VWC2: variants seen among roughly 807,000 people sequenced by gnomAD.
The protein encoded by VWC2 is von Willebrand factor C domain containing 2, also known as brorin.
A neutral mutation model predicts 29.8 loss-of-function variants in VWC2; 14 were observed. That is an observed-to-expected ratio of 0.47 (90% confidence interval 0.31 to 0.74). The LOEUF (loss-of-function observed/expected upper bound fraction) is 0.74, where lower values mean the gene tolerates loss of function less well. VWC2 is among the 30% of genes least tolerant of loss of function. VWC2 has a pLI of 0.05. For synonymous variants in VWC2, 213 were observed against 199.0 expected (o/e 1.07, Z -0.59); for missense variants, 457 against 459.8 (o/e 0.99, Z 0.05).
chr7:49,783,736 A>G (rs1788229825), intron 2 of VWC2, among the ~76,000 whole-genome samples: 1 of 152,212 alleles, frequency 6.6e-6, no homozygotes, highest in Non-Finnish European at 1.5e-5. Context: ...AGGCCTGTGG[A>G]AAAGCATAGA....
intron 3 of VWC2, among the ~76,000 whole-genome samples, chr7:49,810,130 C>T (rs1437973046): frequency 1.3e-5 from 2 of 151,758 alleles, no homozygotes; most frequent in African/African-American, 2.4e-5. Context: ...TACACATACA[C>T]GTGCATACAC....
intron 3 of VWC2, among the ~76,000 whole-genome samples, chr7:49,829,048 C>T (rs140639128): frequency 1.6e-3 from 241 of 152,318 alleles, no homozygotes; most frequent in South Asian, 4.0e-3. Flanking sequence ...CTAACCCTGC[C>T]GCTTCCCAGT....
chr7:49,851,257 T>A (rs531651056), intron 3 of VWC2, among the ~76,000 whole-genome samples: 9 of 152,218 alleles, frequency 5.9e-5, no homozygotes, highest in Non-Finnish European at 1.2e-4. Flanking sequence ...TAGGGCCACT[T>A]GGGTAATCCA....
At chr7:49,805,181 C>T (rs923381950) in intron 3 of VWC2, among the ~76,000 whole-genome samples, 2 of 152,004 alleles carry the variant, frequency 1.3e-5, no homozygotes, top group Admixed American at 6.6e-5. Flanking sequence ...TTTAATATTG[C>T]ATTGATGGTT....
At chr7:49,852,199 C>CA (rs1790207649) in intron 3 of VWC2, among the ~76,000 whole-genome samples, 1 of 152,234 alleles carries the variant, frequency 6.6e-6, no homozygotes, top group Non-Finnish European at 1.5e-5. Flanking sequence ...CCCTTACTAA[C>CA]ATGGCCTGCA....
intron 3 of VWC2, among the ~76,000 whole-genome samples, chr7:49,896,529 T>C (rs1227148392): frequency 2.0e-5 from 3 of 150,676 alleles, no homozygotes; most frequent in Non-Finnish European, 4.4e-5. Context: ...AAAGAAAAAA[T>C]AGTAAAGATG....
At chr7:49,833,688 T>G (rs1789588976) in intron 3 of VWC2, among the ~76,000 whole-genome samples, 1 of 152,158 alleles carries the variant, frequency 6.6e-6, no homozygotes, top group Admixed American at 6.5e-5. Context: ...GATATTTTTG[T>G]CCCTCTAATG....
Position 49,797,206 on chromosome 7 carries a change from T to C in VWC2, c.697-5505T>C, listed in dbSNP as rs1235636143. Among the ~76,000 whole-genome samples the C allele has an allele frequency of 8.5e-5, 13 of 152,138 alleles. No individual in the cohort carries two copies. In the South Asian group the frequency reaches 2.7e-3, roughly 32 times the overall value. ...AGCCTCTGCTAGTCATAACTCTGAG[T>C]AGTTGTAGTTGAGAAAGTTCTATGC... On this transcript the variant is annotated intron_variant, in intron 2 of 3. Transcript: ENST00000340652.
chr7:49,824,532 C>T (rs1478547628), intron 3 of VWC2, among the ~76,000 whole-genome samples: 1 of 152,056 alleles, frequency 6.6e-6, no homozygotes, highest in Non-Finnish European at 1.5e-5. Flanking sequence ...TTTTAAAATT[C>T]CCTTAACCTT....
chr7:49,844,265 G>A (rs948474335), intron 3 of VWC2, among the ~76,000 whole-genome samples: 3 of 152,316 alleles, frequency 2.0e-5, no homozygotes, highest in South Asian at 2.1e-4. Flanking sequence ...CCTGAAGGGC[G>A]TCGATTCTAT....
intron 3 of VWC2, among the ~76,000 whole-genome samples, chr7:49,910,278 AT>A (rs1248786750): frequency 6.6e-6 from 1 of 152,220 alleles, no homozygotes; most frequent in Non-Finnish European, 1.5e-5. Context: ...ACTTAGAATT[AT>A]TCAAAGGCCA....
At chr7:49,921,984 T>C (rs1034818706), downstream of VWC2, 26 of 152,336 alleles carry the variant, frequency 1.7e-4, no homozygotes, top group South Asian at 4.8e-3. Context: ...ACATTTAAGA[T>C]AATCCTTTGA....
At chr7:49,907,817 A>G (rs941162683) in intron 3 of VWC2, among the ~76,000 whole-genome samples, 4 of 152,204 alleles carry the variant, frequency 2.6e-5, no homozygotes, top group Non-Finnish European at 5.9e-5. Flanking sequence ...TCATATAAAG[A>G]CCTGGAATCA....
chr7:49,910,776 A>G (rs531932675), intron 3 of VWC2, among the ~76,000 whole-genome samples: 1 of 152,312 alleles, frequency 6.6e-6, no homozygotes, highest in East Asian at 1.9e-4. Flanking sequence ...GAAAACTGTG[A>G]AAGATAGACT....
At chr7:49,862,871 T>C (rs969295641) in intron 3 of VWC2, among the ~76,000 whole-genome samples, 1 of 152,218 alleles carries the variant, frequency 6.6e-6, no homozygotes, top group Non-Finnish European at 1.5e-5. Flanking sequence ...TTCACTTTGC[T>C]ACTGTTTCAC....
chr7:49,780,766 C>T (rs1226221012), intron 2 of VWC2, among the ~76,000 whole-genome samples: 1 of 152,162 alleles, frequency 6.6e-6, no homozygotes. Context: ...AGCATAAGAA[C>T]TGTTGAGAGA....
intron 3 of VWC2, among the ~76,000 whole-genome samples, chr7:49,894,526 A>G (rs1200223924): frequency 2.6e-5 from 4 of 152,250 alleles, no homozygotes; most frequent in Admixed American, 2.6e-4. Context: ...CAGCTGTGAT[A>G]CTTTTATTTC....
At position 49,867,840 on chromosome 7, in the gene VWC2, A is replaced by T. The variant is rs1031548855; in HGVS notation, c.827-44194A>T. On this transcript the variant is annotated intron_variant, in intron 3 of 3. Transcript: ENST00000340652. ...TTTCTATTTTTTATTTTATTATTTTATTTTATTTTTTGAGGTGGAGTCTTG... is the reference window on the plus strand; with the variant it reads ...TTTCTATTTTTTATTTTATTATTTTTTTTTATTTTTTGAGGTGGAGTCTTG... Among the ~76,000 whole-genome samples the T allele has an allele frequency of 7.5e-3, 1,057 of 141,164 alleles. 3 individuals carry two copies. The highest frequency in any genetic ancestry group is 0.011 in the Non-Finnish European group (710 of 63,788). The allele number at this position is 141,164 out of a possible 152,430, so 92.6% of individuals were successfully genotyped here.
chr7:49,777,735 G>A (rs771846547), intron 2 of VWC2, among the ~76,000 whole-genome samples: 47 of 152,142 alleles, frequency 3.1e-4, no homozygotes, highest in Non-Finnish European at 5.9e-4. Context: ...GGAGGGTCTG[G>A]TAGATATCTC....
Sources: allele counts gnomAD v4.1 joint callset (sites outside exome capture counted in the v4.1 genomes callset), GRCh38; gene constraint gnomAD v4.1.1; transcripts MANE v1.5; gene names NCBI Gene and HGNC (gene_info 2026-07-23, HGNC 2026-07-21).